Variants in AGMO observed in about 807,000 individuals in gnomAD.
AGMO encodes the protein glyceryl-ether monooxygenase.
A neutral mutation model predicts 60.2 loss-of-function variants in AGMO; 75 were observed. The ratio of observed to expected loss-of-function variants is 1.25; its 90% CI spans 1.03 to 1.51. The LOEUF (loss-of-function observed/expected upper bound fraction) is 1.51, where lower values mean the gene tolerates loss of function less well. AGMO is among the 40% of genes most tolerant of loss of function. AGMO has a pLI of 0.00. For missense variants in AGMO, 763 were observed against 525.5 expected, an observed-to-expected ratio of 1.45 and a Z score of -4.42; for synonymous variants, 261 against 177.1, an observed-to-expected ratio of 1.47 and a Z score of -3.76.
intron 12 of AGMO, among the ~76,000 whole-genome samples, chr7:15,364,600 G>A (rs1009349492): frequency 8.6e-5 from 13 of 152,030 alleles, no homozygotes; most frequent in African/African-American, 2.7e-4. Context: ...ACACCGATTC[G>A]CGTGTGTGAG....
chr7:15,391,956 G>T (rs1432402754), intron 6 of AGMO, among the ~76,000 whole-genome samples: 1 of 152,182 alleles, frequency 6.6e-6, no homozygotes, highest in East Asian at 1.9e-4. Context: ...CCGACGTTGG[G>T]AAACCCTGAT....
chr7:15,525,132 A>T (rs1784091394), intron 3 of AGMO, among the ~76,000 whole-genome samples: 1 of 152,062 alleles, frequency 6.6e-6, no homozygotes, highest in Non-Finnish European at 1.5e-5. Context: ...ACAGCAACTG[A>T]GAAGCTTTTA....
At chr7:15,395,204 G>C (rs1254765162) in intron 5 of AGMO, among the ~76,000 whole-genome samples, 1 of 152,182 alleles carries the variant, frequency 6.6e-6, no homozygotes, top group Non-Finnish European at 1.5e-5. Context: ...TTTAGGGTTA[G>C]CTTCCGTTTG....
Position 15,338,472 on chromosome 7 carries a change from T to C in AGMO, c.1263+27042A>G, listed in dbSNP as rs1037701247. On this transcript the variant is annotated intron_variant, in intron 12 of 12. Transcript: ENST00000342526. Reference sequence around the variant, plus strand: ...TGGCATTGTGATGCTCTGATCTTATTTAATTTAAAGTCAACATTTGATAGA... The same window carrying C: ...TGGCATTGTGATGCTCTGATCTTATCTAATTTAAAGTCAACATTTGATAGA... Among the ~76,000 whole-genome samples the C allele has an allele frequency of 3.3e-3, 500 of 152,258 alleles. 2 individuals are homozygous for C. The highest frequency in any genetic ancestry group is 0.011 in the African/African-American group (459 of 41,558).
chr7:15,346,502 T>G lies in AGMO; in HGVS notation c.1263+19012A>C, dbSNP rs117476535. 3.7e-3 allele frequency among the ~76,000 whole-genome samples: 558 copies of G among 152,132 alleles called. 2 individuals are homozygous for G. The highest frequency in any genetic ancestry group is 5.7e-3 in the Non-Finnish European group (385 of 67,914). ...TCTTTTTTCATTAGGATGTTTTTAA[T>G]TGATATTTATTTTCATTAATCCTTC... On this transcript the variant is annotated intron_variant, in intron 12 of 12. Coordinates refer to ENST00000342526, the MANE Select transcript of AGMO (RefSeq NM_001004320.2).
chr7:15,387,893 T>C (rs929523298), intron 8 of AGMO, among the ~76,000 whole-genome samples: 8 of 146,204 alleles, frequency 5.5e-5, no homozygotes, highest in Non-Finnish European at 1.0e-4. Context: ...CCCTCCCTAA[T>C]GACACATTCT....
At chr7:15,417,872 A>T (rs1780818356) in intron 5 of AGMO, among the ~76,000 whole-genome samples, 1 of 152,166 alleles carries the variant, frequency 6.6e-6, no homozygotes, top group African/African-American at 2.4e-5. Context: ...AATGTTTAAA[A>T]GAGTGCTTGT....
intron 3 of AGMO, among the ~76,000 whole-genome samples, chr7:15,521,125 A>G (rs997403935): frequency 6.6e-6 from 1 of 152,124 alleles, no homozygotes; most frequent in Admixed American, 6.5e-5. Context: ...GGACACATAC[A>G]CCCTCCCAAG....
At chr7:15,391,195 G>A (rs2128485361) in intron 6 of AGMO, among the ~76,000 whole-genome samples, 1 of 151,802 alleles carries the variant, frequency 6.6e-6, no homozygotes, top group East Asian at 1.9e-4. Flanking sequence ...ATTTTTTCAG[G>A]ACCATTAAAG....
chr7:15,317,633 A>G (rs1033010468), intron 12 of AGMO, among the ~76,000 whole-genome samples: 1 of 152,046 alleles, frequency 6.6e-6, no homozygotes, highest in South Asian at 2.1e-4. Flanking sequence ...CATTATTATT[A>G]TAACTACTAA....
At chr7:15,489,502 G>A (rs950043549) in intron 3 of AGMO, among the ~76,000 whole-genome samples, 13 of 152,090 alleles carry the variant, frequency 8.5e-5, no homozygotes, top group African/African-American at 2.7e-4. Flanking sequence ...CCTCCAACCT[G>A]CACGGCCAGG....
In AGMO at chr7:15,529,655, T is replaced by G. The variant is rs367674748; in HGVS notation, c.409+15117A>C. Among the ~76,000 whole-genome samples the G allele has an allele frequency of 3.3e-3, 24 of 7,190 alleles. 3 individuals are homozygous for G. Among genetic ancestry groups the G allele is most frequent in the African/African-American group, 0.017 (23 of 1,324 alleles). 4.7% of individuals were successfully genotyped at this position (7,190 alleles called of 152,430 possible). On this transcript the variant is annotated intron_variant, in intron 3 of 12. Transcript: ENST00000342526. Reference sequence around the variant, plus strand: ...TAGAATATATATATATACTATATATTCTATATATATTCTATATATATTCTA... The same window carrying G: ...TAGAATATATATATATACTATATATGCTATATATATTCTATATATATTCTA...
At chr7:15,331,347 G>C (rs745873406) in intron 12 of AGMO, among the ~76,000 whole-genome samples, 1 of 152,136 alleles carries the variant, frequency 6.6e-6, no homozygotes, top group Non-Finnish European at 1.5e-5. Context: ...TTGTTACACA[G>C]CCATAATTTC....
intron 3 of AGMO, among the ~76,000 whole-genome samples, chr7:15,462,686 C>G (rs1242084352): frequency 6.6e-6 from 1 of 152,068 alleles, no homozygotes; most frequent in Non-Finnish European, 1.5e-5. Flanking sequence ...AACTTTTTCA[C>G]CAGTGCAAGA....
intron 12 of AGMO, among the ~76,000 whole-genome samples, chr7:15,211,445 G>T (rs4636099): frequency 0.093 from 14,143 of 151,912 alleles, 689 homozygotes; most frequent in East Asian, 0.14. Context: ...TGGGAAAATA[G>T]AATTCTGCAA....
intron 12 of AGMO, among the ~76,000 whole-genome samples, chr7:15,321,545 G>C (rs778611024): frequency 1.3e-5 from 2 of 152,010 alleles, no homozygotes; most frequent in African/African-American, 4.8e-5. Flanking sequence ...GAAGGAAATG[G>C]TAAGATAAAA....
At chr7:15,346,629 AT>A (rs1454636897) in intron 12 of AGMO, among the ~76,000 whole-genome samples, 6 of 151,474 alleles carry the variant, frequency 4.0e-5, no homozygotes, top group Non-Finnish European at 7.4e-5. Context: ...AAAAAAAAAA[AT>A]ACCATAAAGA....
intron 3 of AGMO, among the ~76,000 whole-genome samples, chr7:15,532,033 CA>C: frequency 6.6e-6 from 1 of 152,178 alleles, no homozygotes; most frequent in East Asian, 1.9e-4. Flanking sequence ...AAACATCTAG[CA>C]AATGCTATGA....
chr7:15,188,559 GA>G, the AGMO span, among the ~76,000 whole-genome samples: 1 of 152,174 alleles, frequency 6.6e-6, no homozygotes, highest in Non-Finnish European at 1.5e-5. Flanking sequence ...TCAAACTGTA[GA>G]TGTGGTTAGT....
Sources: gnomAD v4.1 joint callset for allele counts (sites outside exome capture counted in the v4.1 genomes callset) on GRCh38, gnomAD v4.1.1 for gene constraint, MANE v1.5 for transcripts, NCBI Gene and HGNC (gene_info 2026-07-23, HGNC 2026-07-21) for gene names.